Variants in WDR55 observed in about 807,000 individuals in gnomAD.
WDR55 encodes the protein WD repeat domain 55.
A neutral mutation model predicts 34.0 loss-of-function variants in WDR55; 31 were observed. The observed-to-expected ratio is 0.91, with a 90% CI of 0.69 to 1.23. WDR55 has a LOEUF of 1.23. Among genes scored for constraint, WDR55 ranks in the 50% most tolerant of loss-of-function variants. The probability of loss-of-function intolerance (pLI) is 0.00; values close to 1 mark genes in which losing one functional copy is unlikely to be tolerated. For synonymous variants in WDR55, 164 were observed against 185.9 expected (o/e 0.88, Z 0.96); for missense variants, 440 against 494.6 (o/e 0.89, Z 1.05).
At position 140,671,709 on chromosome 5, in the gene WDR55, G is replaced by A. The variant is rs902596965; in HGVS notation, c.*2055G>A. ...AGTCGCTGCTTCAGGTCTGGCTTGA[G>A]CCACTCCACAGCCACCTGCTCTCCA... is the stretch of plus-strand genomic sequence containing the variant. On this transcript the variant is annotated 3_prime_UTR_variant, in exon 7 of 7. Transcript: ENST00000358337. 3.8e-6 allele frequency: 6 copies of A among 1,584,128 alleles called. No homozygotes were observed. The African/African-American group carries it at 4.0e-5, about 11-fold the overall frequency.
rs1248534129 is a variant in WDR55, at chr5:140,671,478, C to T, written c.*1824C>T. The T allele has an allele frequency of 1.2e-6, 2 of 1,604,416 alleles. No homozygotes were observed. The highest frequency in any genetic ancestry group is 1.7e-6 in the Non-Finnish European group (2 of 1,176,848). ...AAGGGCACCGGATGCCCAGGAATCA[C>T]CACCTGGTACCAGAAGCGGTGCCAG... On this transcript the variant is annotated 3_prime_UTR_variant, in exon 7 of 7. Coordinates refer to ENST00000358337, the MANE Select transcript of WDR55 (RefSeq NM_017706.5).
chr5:140,671,924 A>G lies in WDR55; in HGVS notation c.*2270A>G. 2.8e-6 allele frequency: 2 copies of G among 716,122 alleles called. No homozygotes were observed. Among genetic ancestry groups the G allele is most frequent in the Non-Finnish European group, 4.7e-6 (2 of 421,206 alleles). 44.4% of individuals were successfully genotyped at this position (716,122 alleles called of 1,614,324 possible). On this transcript the variant is annotated 3_prime_UTR_variant, in exon 7 of 7. Transcript: ENST00000358337. ...TTCAGCCTCCATTATTTGCAAAGGG[A>G]GTATAACACACTGCTACCTTACAAG...
In WDR55 at chr5:140,670,246, G is replaced by C. The variant is rs1328378214; in HGVS notation, c.*592G>C. On this transcript the variant is annotated 3_prime_UTR_variant, in exon 7 of 7. Transcript: ENST00000358337. ...CCAGGGGTTTCACTATGTTGACCAA[G>C]CTGGTCTTGGAACTCCTGGGCTCAA... 1 of 152,094 alleles carries C rather than the reference G, an allele frequency of 6.6e-6. No homozygotes were observed. The highest frequency in any genetic ancestry group is 1.5e-5 in the Non-Finnish European group (1 of 68,352). 9.4% of individuals were successfully genotyped at this position (152,094 alleles called of 1,614,324 possible).
chr5:140,666,771 T>C (rs990250822), intron 1 of WDR55: 1 of 985,324 alleles, frequency 1.0e-6, no homozygotes, highest in African/African-American at 1.7e-5. Context: ...ATGCTGATCG[T>C]AGCTTACTAG....
At position 140,671,578 on chromosome 5, in the gene WDR55, C is replaced by T; in HGVS notation, c.*1924C>T. ...GCTTCATTCGTTGGCACAGCAACTG[C>T]AGGGTAGCCCGAGCCCCTTGGAACC... On this transcript the variant is annotated 3_prime_UTR_variant, in exon 7 of 7. Coordinates refer to ENST00000358337, the MANE Select transcript of WDR55 (RefSeq NM_017706.5). The T allele has an allele frequency of 6.4e-7, 1 of 1,566,992 alleles. No individual in the cohort carries two copies. Among genetic ancestry groups the T allele is most frequent in the Non-Finnish European group, 8.6e-7 (1 of 1,157,070 alleles).
chr5:140,672,096 C>A lies in WDR55; in HGVS notation c.*2442C>A, dbSNP rs142707009. 7.8e-3 allele frequency: 4,243 copies of A among 543,740 alleles called. 32 individuals carry two copies. Among genetic ancestry groups the A allele is most frequent in the Middle Eastern group, 0.014 (28 of 2,016 alleles). The allele number at this position is 543,740 out of a possible 1,614,324, so 33.7% of individuals were successfully genotyped here. A position where few individuals can be genotyped will look rare whatever the true frequency, so the allele number is the denominator to read the frequency against. On this transcript the variant is annotated 3_prime_UTR_variant, in exon 7 of 7. Transcript: ENST00000358337. ...TATGTTACTTAATTCTCATAACAGT[C>A]TGAGGAAACAGATTCTATAGTAGTA... is the stretch of plus-strand genomic sequence containing the variant.
Position 140,669,562 on chromosome 5 carries a change from A to G in WDR55, c.1060A>G (p.Ser354Gly), listed in dbSNP as rs1292357396. The stretch of plus-strand genomic sequence containing the variant: ...GCGGGCTCTGAGCAGCAAGACTTGG[A>G]GCACCGATGACTTCTTCGCAGGACT... ...PLRALSSKTWSTDDFFAGLRE... is the reference protein window; with the variant it reads ...PLRALSSKTWGTDDFFAGLRE... The change falls in exon 7 of 7, where the codon AGC (serine) becomes GGC (glycine). Residue 354 changes from serine (S) to glycine (G), a missense_variant. Coordinates refer to ENST00000358337, the MANE Select transcript of WDR55 (RefSeq NM_017706.5). 2.5e-6 allele frequency: 4 copies of G among 1,614,110 alleles called. No homozygotes were observed. The South Asian group carries it at 3.3e-5, about 13-fold the overall frequency.
chr5:140,665,620 G>C (rs1018316022), intron 1 of WDR55, among the ~76,000 whole-genome samples: 4 of 152,058 alleles, frequency 2.6e-5, no homozygotes, highest in Non-Finnish European at 4.4e-5. Context: ...TCCTCCCAGA[G>C]TGCTGGGATT....
At chr5:140,667,822 C>T (rs369507964) in intron 1 of WDR55, 1 of 159,456 alleles carries the variant, frequency 6.3e-6, no homozygotes, top group Non-Finnish European at 1.4e-5. Context: ...GTGGCTTTCT[C>T]TAGCTCCTGC....
In WDR55 at chr5:140,669,382, A is replaced by G. The variant is rs1262266471; in HGVS notation, c.880A>G (p.Thr294Ala). ...AGTGGTGGGCAGTGTGGGCCAGCAC[A>G]CTGGGGAGCCTGTGGAGGAGCTGGC... is the stretch of plus-strand genomic sequence containing the variant. ...NRVVGSVGQH[T>A]GEPVEELALS... Residue 294 changes from threonine (T) to alanine (A), a missense_variant, in exon 7 of 7, where the codon ACT becomes GCT. Coordinates refer to ENST00000358337, the MANE Select transcript of WDR55 (RefSeq NM_017706.5). 6.2e-7 allele frequency: 1 copy of G among 1,613,786 alleles called. No individual in the cohort carries two copies. Among genetic ancestry groups the G allele is most frequent in the African/African-American group, 1.3e-5 (1 of 74,918 alleles).
In WDR55 at chr5:140,671,863, GT is replaced by G; in HGVS notation, c.*2210del. 1 of 1,206,726 alleles carries G rather than the reference GT, an allele frequency of 8.3e-7. No individual in the cohort carries two copies. The highest frequency in any genetic ancestry group is 1.2e-6 in the Non-Finnish European group (1 of 836,618). 74.8% of individuals were successfully genotyped at this position (1,206,726 alleles called of 1,614,324 possible). A position where few individuals can be genotyped will look rare whatever the true frequency, so the allele number is the denominator to read the frequency against. On this transcript the variant is annotated 3_prime_UTR_variant, in exon 7 of 7. Transcript: ENST00000358337. Reference sequence around the variant, plus strand: ...TTATTTGTAGCCTTCCCATTTCCTGGTAGTGTGACCATGGGTAAGAAAAGAC... The same window carrying G: ...TTATTTGTAGCCTTCCCATTTCCTGGAGTGTGACCATGGGTAAGAAAAGAC...
chr5:140,668,977 T>C lies in WDR55; in HGVS notation c.647T>C (p.Val216Ala). The C allele has an allele frequency of 6.2e-7, 1 of 1,614,216 alleles. No individual in the cohort carries two copies. The highest frequency in any genetic ancestry group is 8.5e-7 in the Non-Finnish European group (1 of 1,180,040). ...CCTCAGTCTGGGGACCTGACCTCTG[T>C]CACTCTCATGAAAGTACAGCTGGTT... ...SEPQSGDLTS[V>A]TLMKWGKKVA... The change falls in exon 5 of 7, where the codon GTC becomes GCC. Residue 216 changes from valine (V) to alanine (A), a missense_variant. Coordinates refer to ENST00000358337, the MANE Select transcript of WDR55 (RefSeq NM_017706.5).
In WDR55 at chr5:140,671,504, C is replaced by G; in HGVS notation, c.*1850C>G. 6.3e-7 allele frequency: 1 copy of G among 1,588,894 alleles called. No homozygotes were observed. On this transcript the variant is annotated 3_prime_UTR_variant, in exon 7 of 7. Coordinates refer to ENST00000358337, the MANE Select transcript of WDR55 (RefSeq NM_017706.5). ...CACCTGGTACCAGAAGCGGTGCCAGCCAGCAGGTCCTATGCCCAAACACTT... is the reference window on the plus strand; with the variant it reads ...CACCTGGTACCAGAAGCGGTGCCAGGCAGCAGGTCCTATGCCCAAACACTT...
chr5:140,668,067 C>G, intron 1 of WDR55, 167 bp from the exon 2 acceptor site: 1 of 705,110 alleles, frequency 1.4e-6, no homozygotes, highest in East Asian at 2.8e-5. Context: ...CCTAACATTT[C>G]AAACTCACTG....
In WDR55 at chr5:140,672,196, A is replaced by C; in HGVS notation, c.*2542A>C. 3.5e-6 allele frequency: 2 copies of C among 579,014 alleles called. No homozygotes were observed. Among genetic ancestry groups the C allele is most frequent in the Non-Finnish European group, 6.1e-6 (2 of 325,424 alleles). 35.9% of individuals were successfully genotyped at this position (579,014 alleles called of 1,614,324 possible). On this transcript the variant is annotated 3_prime_UTR_variant, in exon 7 of 7. Coordinates refer to ENST00000358337, the MANE Select transcript of WDR55 (RefSeq NM_017706.5). ...CTCATAGCTTGAGGGTCCTGTGCCT[A>C]TTTTGCGGTGTGGGGGTGGGGGAAG...
rs1758100589 is a variant in WDR55, at chr5:140,672,234, G to A, written c.*2580G>A. The A allele has an allele frequency of 4.9e-6, 3 of 611,648 alleles. No individual in the cohort carries two copies. The highest frequency in any genetic ancestry group is 8.6e-6 in the Non-Finnish European group (3 of 349,392). The allele number at this position is 611,648 out of a possible 1,614,324, so 37.9% of individuals were successfully genotyped here. A position where few individuals can be genotyped will look rare whatever the true frequency, so the allele number is the denominator to read the frequency against. On this transcript the variant is annotated 3_prime_UTR_variant, in exon 7 of 7. Coordinates refer to ENST00000358337, the MANE Select transcript of WDR55 (RefSeq NM_017706.5). The stretch of plus-strand genomic sequence containing the variant: ...GGGGTGGGGGAAGGTTGAGAATTAA[G>A]TCAGGAGGTAATGCTCGGGAAGTGT...
chr5:140,668,604 GT>G lies in WDR55; in HGVS notation c.381-7del. On this transcript the variant is annotated splice_polypyrimidine_tract_variant and splice_region_variant and intron_variant, in intron 3 of 6. Coordinates refer to ENST00000358337, the MANE Select transcript of WDR55 (RefSeq NM_017706.5). ...ATGCTCCAAGAAGTTCTACATCTGT[GT>G]CTCTAGTGCCCCCATCAATAGTCTT... The G allele has an allele frequency of 6.2e-7, 1 of 1,612,624 alleles. No individual in the cohort carries two copies. Among genetic ancestry groups the G allele is most frequent in the South Asian group, 1.1e-5 (1 of 90,906 alleles).
chr5:140,667,223 T>TA (rs1356740450), intron 1 of WDR55: 6 of 906,996 alleles, frequency 6.6e-6, no homozygotes, highest in Non-Finnish European at 6.6e-6. Flanking sequence ...TCCCTTGTCT[T>TA]AAAAAAGGTT....
Position 140,672,113 on chromosome 5 carries a change from A to ATAG in WDR55, c.*2465_*2467dup. ...ATAACAGTCTGAGGAAACAGATTCTATAGTAGTAAAAAGCTCAGTTGGATT... is the reference window on the plus strand; with the variant it reads ...ATAACAGTCTGAGGAAACAGATTCTATAGTAGTAGTAAAAAGCTCAGTTGGATT... On this transcript the variant is annotated 3_prime_UTR_variant, in exon 7 of 7. Coordinates refer to ENST00000358337, the MANE Select transcript of WDR55 (RefSeq NM_017706.5). 1 of 539,582 alleles carries ATAG rather than the reference A, an allele frequency of 1.9e-6. No homozygotes were observed. The highest frequency in any genetic ancestry group is 1.9e-5 in the African/African-American group (1 of 52,804). The allele number at this position is 539,582 out of a possible 1,614,324, so 33.4% of individuals were successfully genotyped here.
Sources: allele counts gnomAD v4.1 joint callset (sites outside exome capture counted in the v4.1 genomes callset), GRCh38; gene constraint gnomAD v4.1.1; transcripts MANE v1.5; gene names NCBI Gene and HGNC (gene_info 2026-07-23, HGNC 2026-07-21).